The following L3MBTL4 variants were observed in gnomAD, a reference collection of about 807,000 sequenced individuals.
L3MBTL4 encodes the protein lethal(3)malignant brain tumor-like protein 4.
L3MBTL4 carries 70 observed loss-of-function variants against 84.5 expected under a neutral mutation model. The observed-to-expected ratio is 0.83, with a 90% CI of 0.68 to 1.01. L3MBTL4 has a LOEUF of 1.01. Ranked by LOEUF, L3MBTL4 falls within the 50% of genes least tolerant of loss-of-function variation. The probability of loss-of-function intolerance (pLI) is 0.00; values close to 1 mark genes in which losing one functional copy is unlikely to be tolerated. For missense variants in L3MBTL4, 715 were observed against 754.8 expected (o/e 0.95, Z 0.62); for synonymous variants, 274 against 259.8 (o/e 1.05, Z -0.52).
intron 17 of L3MBTL4, among the ~76,000 whole-genome samples, chr18:5,964,927 C>T (rs973102029): frequency 5.9e-5 from 9 of 152,182 alleles, no homozygotes; most frequent in Non-Finnish European, 1.2e-4. Flanking sequence ...GTGCAAGATG[C>T]TTTGCAATAA....
chr18:6,366,858 GA>G (rs2053956526), intron 1 of L3MBTL4, among the ~76,000 whole-genome samples: 1 of 152,212 alleles, frequency 6.6e-6, no homozygotes, highest in Non-Finnish European at 1.5e-5. Context: ...GCTTTAAAAG[GA>G]AATTCGTGAA....
At chr18:6,366,752 G>A (rs1356853586) in intron 1 of L3MBTL4, among the ~76,000 whole-genome samples, 1 of 152,196 alleles carries the variant, frequency 6.6e-6, no homozygotes, top group Non-Finnish European at 1.5e-5. Flanking sequence ...GCAGATGTTT[G>A]TTTAATGCCA....
chr18:6,367,049 C>T (rs1568561435), intron 1 of L3MBTL4, among the ~76,000 whole-genome samples: 3 of 152,184 alleles, frequency 2.0e-5, no homozygotes, highest in Non-Finnish European at 4.4e-5. Context: ...GAAGGCAAGG[C>T]CAGGAGGGGG....
intron 4 of L3MBTL4, among the ~76,000 whole-genome samples, chr18:6,299,302 T>C (rs1456940680): frequency 6.6e-6 from 1 of 152,212 alleles, no homozygotes; most frequent in Non-Finnish European, 1.5e-5. Context: ...CAGACACCAT[T>C]AATACTTTAA....
chr18:6,173,604 A>G (rs1360061659), intron 12 of L3MBTL4, among the ~76,000 whole-genome samples: 1 of 151,892 alleles, frequency 6.6e-6, no homozygotes, highest in Non-Finnish European at 1.5e-5. Flanking sequence ...ACATGGTGAA[A>G]CCTCATCTCT....
At chr18:5,976,158 G>A (rs1056771549) in intron 16 of L3MBTL4, among the ~76,000 whole-genome samples, 1 of 152,196 alleles carries the variant, frequency 6.6e-6, no homozygotes, top group Non-Finnish European at 1.5e-5. Flanking sequence ...TGTGAAGCGT[G>A]CAAACTGAGA....
chr18:6,213,222 T>C lies in L3MBTL4; in HGVS notation c.908A>G (p.Glu303Gly). Reference sequence around the variant, plus strand: ...CCTGGGGTTCCGTTTATCCACAACTTCAAGTTTCATATTTGGCAGAAAACC... The same window carrying C: ...CCTGGGGTTCCGTTTATCCACAACTCCAAGTTTCATATTTGGCAGAAAACC... ...PHGFLPNMKL[E>G]VVDKRNPRLI... is the part of the protein sequence containing the mutation. Residue 303 changes from glutamate to glycine, a missense_variant, in exon 12 of 19, where the codon GAA becomes GGA. Coordinates refer to ENST00000317931, the MANE Select transcript of L3MBTL4 (RefSeq NM_001330559.2). 1 of 1,610,728 alleles carries C rather than the reference T, an allele frequency of 6.2e-7. No homozygotes were observed. Among genetic ancestry groups the C allele is most frequent in the Non-Finnish European group, 8.5e-7 (1 of 1,178,830 alleles).
intron 16 of L3MBTL4, among the ~76,000 whole-genome samples, chr18:6,046,054 A>G (rs2056607670): frequency 6.6e-6 from 1 of 152,138 alleles, no homozygotes; most frequent in Non-Finnish European, 1.5e-5. Context: ...TCTATCATGC[A>G]AGCAGGAAAC....
chr18:6,108,098 T>C (rs1375826217), intron 14 of L3MBTL4, among the ~76,000 whole-genome samples: 1 of 152,122 alleles, frequency 6.6e-6, no homozygotes, highest in East Asian at 1.9e-4. Context: ...GCAAGGAGAC[T>C]CTCAGCCCTT....
chr18:6,244,504 A>C lies in L3MBTL4; in HGVS notation c.304T>G (p.Cys102Gly), dbSNP rs140374046. Residue 102 changes from cysteine (C) to glycine (G), a missense_variant, in exon 6 of 19, where the codon TGT becomes GGT. Cys to Gly is a radical substitution (Grantham distance 159). Coordinates refer to ENST00000317931, the MANE Select transcript of L3MBTL4 (RefSeq NM_001330559.2). ...GIDPRHPSVF[C>G]VLSVAEVCGY... is the part of the protein sequence containing the mutation. ...CTTACCTCCGCTACAGAAAGCACAC[A>C]GAATACCGATGGATGTCGGGGATCA... 49 of 1,612,670 alleles carry C rather than the reference A, an allele frequency of 3.0e-5. No homozygotes were observed. The highest frequency in any genetic ancestry group is 4.0e-5 in the Non-Finnish European group (47 of 1,178,792).
intron 16 of L3MBTL4, among the ~76,000 whole-genome samples, chr18:6,047,632 C>T (rs1342604068): frequency 6.6e-6 from 1 of 152,198 alleles, no homozygotes; most frequent in East Asian, 1.9e-4. Flanking sequence ...ACAGCATAAA[C>T]AGAATTAAAA....
chr18:6,195,790 C>T (rs770193459), intron 12 of L3MBTL4, among the ~76,000 whole-genome samples: 3 of 152,084 alleles, frequency 2.0e-5, no homozygotes, highest in Non-Finnish European at 4.4e-5. Flanking sequence ...TTATTGGTTG[C>T]CCCATAAAGC....
At chr18:5,981,771 G>A (rs1045787915) in intron 16 of L3MBTL4, among the ~76,000 whole-genome samples, 2 of 151,868 alleles carry the variant, frequency 1.3e-5, no homozygotes, top group Non-Finnish European at 2.9e-5. Flanking sequence ...CTGTACTCCA[G>A]GCTGAGGGAC....
chr18:6,046,829 T>C lies in L3MBTL4; in HGVS notation c.1444+34052A>G, dbSNP rs2056643459. 1.1e-5 allele frequency: 8 copies of C among 741,368 alleles called. No individual in the cohort carries two copies. The Admixed American group carries it at 1.4e-4, about 13-fold the overall frequency. The allele number at this position is 741,368 out of a possible 1,614,324, so 45.9% of individuals were successfully genotyped here. ...AAGATCTCAAACTAACAATCTAATA[T>C]CACATCTAGAGGAACTAGAAAAACA... is the stretch of plus-strand genomic sequence containing the variant. On this transcript the variant is annotated intron_variant, in intron 16 of 18. Coordinates refer to ENST00000317931, the MANE Select transcript of L3MBTL4 (RefSeq NM_001330559.2).
At chr18:6,250,311 C>T (rs1453487980) in intron 5 of L3MBTL4, among the ~76,000 whole-genome samples, 3 of 152,054 alleles carry the variant, frequency 2.0e-5, no homozygotes, top group South Asian at 2.1e-4. Flanking sequence ...AACAAAACAC[C>T]GTCACCATGC....
At chr18:6,399,013 C>T (rs1031989739) in intron 1 of L3MBTL4, among the ~76,000 whole-genome samples, 1 of 152,188 alleles carries the variant, frequency 6.6e-6, no homozygotes, top group Non-Finnish European at 1.5e-5. Context: ...CAATAACACA[C>T]CAAACATGTC....
At chr18:6,379,205 A>G (rs1047958856) in intron 1 of L3MBTL4, among the ~76,000 whole-genome samples, 5 of 152,226 alleles carry the variant, frequency 3.3e-5, no homozygotes, top group African/African-American at 1.2e-4. Flanking sequence ...TATCAGCTTA[A>G]GGAGATTTTG....
intron 14 of L3MBTL4, among the ~76,000 whole-genome samples, chr18:6,103,609 A>ATT (rs968503322): frequency 6.6e-6 from 1 of 152,214 alleles, no homozygotes; most frequent in African/African-American, 2.4e-5. Flanking sequence ...ATGAATCATA[A>ATT]TTCCATCTTT....
chr18:6,271,469 A>G (rs911361089), intron 4 of L3MBTL4, among the ~76,000 whole-genome samples: 10 of 152,200 alleles, frequency 6.6e-5, no homozygotes, highest in African/African-American at 2.4e-4. Context: ...GGAGAAGGCA[A>G]AATAGTCCCG....
Sources: gnomAD v4.1 joint callset for allele counts (sites outside exome capture counted in the v4.1 genomes callset) on GRCh38, gnomAD v4.1.1 for gene constraint, MANE v1.5 for transcripts, NCBI Gene and HGNC (gene_info 2026-07-23, HGNC 2026-07-21) for gene names.